The following PTPRG variants were observed in gnomAD, a reference collection of about 807,000 sequenced individuals.
PTPRG encodes the protein receptor-type tyrosine-protein phosphatase gamma.
PTPRG carries 102 observed loss-of-function variants against 165.3 expected under a neutral mutation model. The ratio of observed to expected loss-of-function variants is 0.62; its 90% confidence interval spans 0.53 to 0.73. The LOEUF (loss-of-function observed/expected upper bound fraction) is 0.73. Ranked by LOEUF, PTPRG falls within the 30% of genes least tolerant of loss-of-function variation. PTPRG has a pLI of 0.00. For synonymous variants in PTPRG, 675 were observed against 669.5 expected (o/e 1.01, Z -0.13); for missense variants, 1,866 against 1,861.4 (o/e 1.00, Z -0.05).
chr3:61,932,034 T>C (rs2107585155), intron 2 of PTPRG, among the ~76,000 whole-genome samples: 1 of 152,356 alleles, frequency 6.6e-6, no homozygotes, highest in Middle Eastern at 3.4e-3. Flanking sequence ...TTTTTTACTA[T>C]TTAAAACATG....
chr3:61,810,033 T>C (rs374720067), intron 2 of PTPRG, among the ~76,000 whole-genome samples: 1 of 152,178 alleles, frequency 6.6e-6, no homozygotes. Flanking sequence ...GTTTAGCCTG[T>C]TGAGCCTCTG....
At chr3:61,602,240 T>C (rs1700889349) in intron 1 of PTPRG, among the ~76,000 whole-genome samples, 2 of 152,160 alleles carry the variant, frequency 1.3e-5, no homozygotes, top group South Asian at 4.1e-4. Context: ...GTACCTGTCT[T>C]GCTCACTTGG....
At chr3:62,026,879 T>A (rs868348590) in intron 4 of PTPRG, among the ~76,000 whole-genome samples, 7 of 94,688 alleles carry the variant, frequency 7.4e-5, no homozygotes, top group African/African-American at 2.4e-4. Context: ...GAGTGAGAAT[T>A]AAAAAAAAAA....
intron 2 of PTPRG, among the ~76,000 whole-genome samples, chr3:61,756,770 T>C (rs1213171980): frequency 6.6e-6 from 1 of 152,230 alleles, no homozygotes; most frequent in East Asian, 1.9e-4. Context: ...GCTGTGTTGT[T>C]ATCAAGTGGT....
intron 1 of PTPRG, among the ~76,000 whole-genome samples, chr3:61,738,317 T>TATATATATATAC (rs2032832529): frequency 4.8e-5 from 5 of 104,874 alleles, no homozygotes; most frequent in South Asian, 6.3e-4. Flanking sequence ...TATATACATA[T>TATATATATATAC]ATATATATAT....
At chr3:61,607,272 C>T (rs1214219364) in intron 1 of PTPRG, among the ~76,000 whole-genome samples, 1 of 152,116 alleles carries the variant, frequency 6.6e-6, no homozygotes, top group Non-Finnish European at 1.5e-5. Flanking sequence ...CAGAGCAGTC[C>T]CTGTTAGGTT....
intron 2 of PTPRG, among the ~76,000 whole-genome samples, chr3:61,869,202 CCTAGAGATT>C (rs1390897381): frequency 6.6e-6 from 1 of 152,146 alleles, no homozygotes; most frequent in Non-Finnish European, 1.5e-5. Flanking sequence ...GTTCCCTCTA[CCTAGAGATT>C]GCCAACTTCT....
chr3:61,633,564 A>G (rs1281767788), intron 1 of PTPRG, among the ~76,000 whole-genome samples: 1 of 152,250 alleles, frequency 6.6e-6, no homozygotes, highest in Non-Finnish European at 1.5e-5. Flanking sequence ...GAACTCGTTT[A>G]TGATCTCTGA....
chr3:61,776,807 C>CT lies in PTPRG; in HGVS notation c.190+27828dup, dbSNP rs774071166. 2.0e-5 allele frequency among the ~76,000 whole-genome samples: 3 copies of CT among 152,152 alleles called. No homozygotes were observed. The South Asian group carries it at 6.2e-4, about 32-fold the overall frequency. On this transcript the variant is annotated intron_variant, in intron 2 of 29. Transcript: ENST00000474889. ...TCTTGTGTATTAAAGTCCTCCCTGT[C>CT]TTTAAGAGTAACTTAAAAACTACTT...
intron 24 of PTPRG, chr3:62,276,616 T>G (rs1018042449): frequency 2.6e-4 from 54 of 206,296 alleles, no homozygotes; most frequent in Non-Finnish European, 1.4e-4. Flanking sequence ...AAGGGGTTGG[T>G]AAAAGGACAA....
In PTPRG at chr3:62,055,931, A is replaced by G. The variant is rs1052128637; in HGVS notation, c.520-22232A>G. ...TCCAAATAAGGTGACAGTCATAGGTATACAGAGGATAAGGACTTCAAAATC... is the reference window on the plus strand; with the variant it reads ...TCCAAATAAGGTGACAGTCATAGGTGTACAGAGGATAAGGACTTCAAAATC... On this transcript the variant is annotated intron_variant, in intron 4 of 29. Transcript: ENST00000474889. Among the ~76,000 whole-genome samples, 126 of 152,210 alleles carry G rather than the reference A, an allele frequency of 8.3e-4. 2 individuals are homozygous for G. The highest frequency in any genetic ancestry group is 1.6e-4 in the Non-Finnish European group (11 of 68,042).
At chr3:61,963,767 A>C (rs2040207613) in intron 2 of PTPRG, among the ~76,000 whole-genome samples, 2 of 152,168 alleles carry the variant, frequency 1.3e-5, no homozygotes, top group African/African-American at 4.8e-5. Context: ...ATTCATGACA[A>C]GTTGAAGCCT....
intron 4 of PTPRG, among the ~76,000 whole-genome samples, chr3:62,036,912 C>T (rs750696309): frequency 2.0e-5 from 3 of 152,264 alleles, no homozygotes; most frequent in South Asian, 4.1e-4. Context: ...CACAGCTCTG[C>T]ACTCAGAAAA....
chr3:61,851,166 A>G (rs1300914640), intron 2 of PTPRG, among the ~76,000 whole-genome samples: 2 of 152,194 alleles, frequency 1.3e-5, no homozygotes, highest in Admixed American at 6.5e-5. Flanking sequence ...GAAGGCTGCT[A>G]TGGCTTAGTT....
intron 6 of PTPRG, among the ~76,000 whole-genome samples, chr3:62,133,370 T>G (rs1472607045): frequency 1.3e-5 from 2 of 152,230 alleles, no homozygotes; most frequent in Non-Finnish European, 2.9e-5. Context: ...CTAATTAGAA[T>G]TCCAGAGACG....
chr3:61,628,485 T>C (rs1575548692), intron 1 of PTPRG, among the ~76,000 whole-genome samples: 1 of 151,956 alleles, frequency 6.6e-6, no homozygotes, highest in East Asian at 1.9e-4. Flanking sequence ...CCAGCTAATT[T>C]TTGTTGTTGT....
intron 1 of PTPRG, among the ~76,000 whole-genome samples, chr3:61,581,791 G>A (rs1286794301): frequency 6.6e-6 from 1 of 151,674 alleles, no homozygotes. Flanking sequence ...TATATTTTTA[G>A]TAGAGACAGG....
chr3:62,262,361 C>G (rs778785723), intron 16 of PTPRG: 3 of 152,980 alleles, frequency 2.0e-5, no homozygotes, highest in African/African-American at 2.4e-5. Flanking sequence ...GATTATACTT[C>G]TTAGAAATTC....
intron 2 of PTPRG, among the ~76,000 whole-genome samples, chr3:61,903,643 G>T (rs2038560092): frequency 6.6e-6 from 1 of 152,156 alleles, no homozygotes; most frequent in East Asian, 1.9e-4. Flanking sequence ...CAAAGTGCTG[G>T]GGTTAATTGC....
Sources: allele counts gnomAD v4.1 joint callset (sites outside exome capture counted in the v4.1 genomes callset), GRCh38; gene constraint gnomAD v4.1.1; transcripts MANE v1.5; gene names NCBI Gene and HGNC (gene_info 2026-07-23, HGNC 2026-07-21).